The following PRKAG2 variants were observed in gnomAD, a reference collection of about 807,000 sequenced individuals.
The protein encoded by PRKAG2 is 5'-AMP-activated protein kinase subunit gamma-2.
PRKAG2 carries 26 observed loss-of-function variants against 69.6 expected under a neutral mutation model. The observed-to-expected ratio is 0.37, with a 90% CI of 0.27 to 0.52. The LOEUF is 0.52. PRKAG2 is among the 20% of genes least tolerant of loss of function. The pLI is 0.90. For synonymous variants in PRKAG2, 293 were observed against 285.0 expected (o/e 1.03, Z -0.28); for missense variants, 557 against 740.0 (o/e 0.75, Z 2.87).
In PRKAG2 at chr7:151,861,474, G is replaced by A. The variant is rs184713458; in HGVS notation, c.114+15033C>T. Among the ~76,000 whole-genome samples, 9 of 138,820 alleles carry A rather than the reference G, an allele frequency of 6.5e-5. No individual in the cohort carries two copies. In the East Asian group the frequency reaches 1.6e-3, roughly 24 times the overall value. 91.1% of individuals were successfully genotyped at this position (138,820 alleles called of 152,430 possible). On this transcript the variant is annotated intron_variant, in intron 1 of 15. Transcript: ENST00000287878. ...ACCCGGGAGGCTGAGGTTGCAGTGA[G>A]CCAAGATGGTGTCACTGCATTCCAG...
intron 5 of PRKAG2, among the ~76,000 whole-genome samples, chr7:151,627,993 TGAA>T (rs1254802059): frequency 7.9e-5 from 12 of 152,018 alleles, no homozygotes; most frequent in African/African-American, 1.2e-4. Flanking sequence ...TCTTTGCAAG[TGAA>T]GAAGAATAGG....
At chr7:151,651,539 G>A (rs1327097808) in intron 4 of PRKAG2, among the ~76,000 whole-genome samples, 2 of 152,164 alleles carry the variant, frequency 1.3e-5, no homozygotes, top group Non-Finnish European at 2.9e-5. Context: ...CCCGGGAGGT[G>A]GAGGTTGCAG....
chr7:151,571,248 T>A (rs1807496504), intron 9 of PRKAG2, among the ~76,000 whole-genome samples: 1 of 151,798 alleles, frequency 6.6e-6, no homozygotes, highest in Admixed American at 6.6e-5. Flanking sequence ...CTTTTTTGTA[T>A]TTTTAGTAGA....
chr7:151,732,608 C>T (rs1459740124), intron 3 of PRKAG2, among the ~76,000 whole-genome samples: 1 of 152,202 alleles, frequency 6.6e-6, no homozygotes, highest in Non-Finnish European at 1.5e-5. Flanking sequence ...ACCTGCGATG[C>T]TGCAAGACCT....
Position 151,595,438 on chromosome 7 carries a change from T to C in PRKAG2, c.771A>G (p.Glu257=), listed in dbSNP as rs753536618. The C allele has an allele frequency of 6.2e-7, 1 of 1,613,552 alleles. No individual in the cohort carries two copies. Among genetic ancestry groups the C allele is most frequent in the South Asian group, 1.1e-5 (1 of 91,064 alleles). The change falls in exon 6 of 16, where the codon GAA becomes GAG. Residue 257 remains glutamate (E), a synonymous_variant. Coordinates refer to ENST00000287878, the MANE Select transcript of PRKAG2 (RefSeq NM_016203.4). ...TCATGAATCGCATGTAAACACCACT[T>C]TCTGAGTCTTCTACTGCTAAAAGAA... The part of the protein sequence containing the change: ...EFEDEAVEDS[E]SGVYMRFMRS...
At chr7:151,863,357 C>A (rs763435400) in intron 1 of PRKAG2, among the ~76,000 whole-genome samples, 3 of 152,068 alleles carry the variant, frequency 2.0e-5, no homozygotes, top group Non-Finnish European at 4.4e-5. Context: ...AGTTCACATC[C>A]CCTTCCCAGG....
chr7:151,704,189 T>A (rs1444339205), intron 3 of PRKAG2, among the ~76,000 whole-genome samples: 2 of 152,244 alleles, frequency 1.3e-5, no homozygotes, highest in African/African-American at 4.8e-5. Flanking sequence ...CAAGCATTTA[T>A]CCTTTGAGTT....
intron 1 of PRKAG2, among the ~76,000 whole-genome samples, chr7:151,806,176 G>A (rs140166603): frequency 0.14 from 22,041 of 152,290 alleles, 2,102 homozygotes; most frequent in Non-Finnish European, 0.22. Flanking sequence ...GCGACAGAGC[G>A]AGACTCCGTC....
rs11296669 is a variant in PRKAG2, at chr7:151,588,307, T to TG, written c.864+7037dup. ...GACCCAGTGGGAGGTAACTGAATCA[T>TG]GGGGGGGAGTCTTTCCCATGCTGTT... is the stretch of plus-strand genomic sequence containing the variant. On this transcript the variant is annotated intron_variant, in intron 6 of 15. Coordinates refer to ENST00000287878, the MANE Select transcript of PRKAG2 (RefSeq NM_016203.4). Among the ~76,000 whole-genome samples the TG allele has an allele frequency of 6.9e-3, 1,045 of 151,680 alleles. 13 individuals carry two copies. The highest frequency in any genetic ancestry group is 0.023 in the African/African-American group (952 of 41,322).
intron 4 of PRKAG2, among the ~76,000 whole-genome samples, chr7:151,647,096 CCT>C (rs752921250): frequency 9.2e-5 from 14 of 152,236 alleles, no homozygotes; most frequent in African/African-American, 2.7e-4. Context: ...CCGTCCATCC[CCT>C]GTTCTTGCCA....
chr7:151,629,003 C>A (rs1314107501), intron 5 of PRKAG2, among the ~76,000 whole-genome samples: 4 of 152,096 alleles, frequency 2.6e-5, no homozygotes, highest in African/African-American at 4.8e-5. Context: ...TCACGTGCCA[C>A]CCCCTAAGGC....
intron 5 of PRKAG2, among the ~76,000 whole-genome samples, chr7:151,604,806 GAC>G (rs1817123674): frequency 6.6e-6 from 1 of 152,126 alleles, no homozygotes; most frequent in Non-Finnish European, 1.5e-5. Flanking sequence ...TCCTGGCTGC[GAC>G]AGTTTCTCAG....
In PRKAG2 at chr7:151,683,810, G is replaced by A. The variant is rs529965026; in HGVS notation, c.467-8173C>T. 6.0e-4 allele frequency among the ~76,000 whole-genome samples: 92 copies of A among 152,280 alleles called. 1 individual carries two copies. The highest frequency in any genetic ancestry group is 2.2e-3 in the African/African-American group (90 of 41,572). ...GCACACAGAGGGATGCAACCAGCAG[G>A]CAGGCGGAGACCCTGGGCGGCGCGA... On this transcript the variant is annotated intron_variant, in intron 3 of 15. Coordinates refer to ENST00000287878, the MANE Select transcript of PRKAG2 (RefSeq NM_016203.4).
intron 3 of PRKAG2, among the ~76,000 whole-genome samples, chr7:151,690,904 C>T (rs1043804354): frequency 4.6e-5 from 7 of 152,332 alleles, no homozygotes; most frequent in East Asian, 1.9e-4. Context: ...TCTCGCTTAT[C>T]GCTATCCCAT....
chr7:151,628,567 C>G (rs975958590), intron 5 of PRKAG2, among the ~76,000 whole-genome samples: 33 of 152,086 alleles, frequency 2.2e-4, no homozygotes, highest in African/African-American at 7.0e-4. Context: ...CAAAAATTAG[C>G]CAGGCATGGT....
At chr7:151,848,405 G>A (rs773020364) in intron 1 of PRKAG2, among the ~76,000 whole-genome samples, 1 of 150,908 alleles carries the variant, frequency 6.6e-6, no homozygotes. Flanking sequence ...CCTCGTCTCG[G>A]ACTTTCCAGC....
At chr7:151,589,660 G>A (rs367685372) in intron 6 of PRKAG2, among the ~76,000 whole-genome samples, 3 of 152,348 alleles carry the variant, frequency 2.0e-5, no homozygotes, top group East Asian at 3.9e-4. Flanking sequence ...CCACGGCCGG[G>A]CACGGTGGCT....
At chr7:151,871,807 C>G (rs979382165) in intron 1 of PRKAG2, among the ~76,000 whole-genome samples, 6 of 152,146 alleles carry the variant, frequency 3.9e-5, no homozygotes, top group Non-Finnish European at 7.4e-5. Flanking sequence ...CAACAATTGC[C>G]TCCAACACCC....
At chr7:151,650,655 C>T (rs1447934004) in intron 4 of PRKAG2, among the ~76,000 whole-genome samples, 1 of 152,194 alleles carries the variant, frequency 6.6e-6, no homozygotes, top group East Asian at 1.9e-4. Flanking sequence ...TTTTTACCCA[C>T]CATTGCTTTT....
Sources: allele counts gnomAD v4.1 joint callset (sites outside exome capture counted in the v4.1 genomes callset), GRCh38; gene constraint gnomAD v4.1.1; transcripts MANE v1.5; gene names NCBI Gene and HGNC (gene_info 2026-07-23, HGNC 2026-07-21).